Variants in COLEC12 observed in about 807,000 individuals in gnomAD.
COLEC12 encodes collectin-12.
A neutral mutation model predicts 71.1 loss-of-function variants in COLEC12; 33 were observed. The ratio of observed to expected loss-of-function variants is 0.46; its 90% CI spans 0.35 to 0.62. The LOEUF is 0.62. Ranked by LOEUF, COLEC12 falls within the 20% of genes least tolerant of loss-of-function variation. The probability of loss-of-function intolerance (pLI) is 0.00; values close to 1 mark genes in which losing one functional copy is unlikely to be tolerated. For synonymous variants in COLEC12, 350 were observed against 353.0 expected, an observed-to-expected ratio of 0.99 and a Z score of 0.10; for missense variants, 765 against 916.1, an observed-to-expected ratio of 0.84 and a Z score of 2.13.
At chr18:494,728 C>T (rs1298109332) in intron 1 of COLEC12, among the ~76,000 whole-genome samples, 2 of 152,204 alleles carry the variant, frequency 1.3e-5, no homozygotes, top group East Asian at 3.8e-4. Flanking sequence ...AGTTTCCTAA[C>T]ATTTCTCTGT....
In COLEC12 at chr18:474,344, A is replaced by G. The variant is rs532281092; in HGVS notation, c.58+6363T>C. Among the ~76,000 whole-genome samples the G allele has an allele frequency of 2.0e-5, 3 of 152,370 alleles. No individual in the cohort carries two copies. In the South Asian group the frequency reaches 6.2e-4, roughly 32 times the overall value. ...ATCACCTGGCACATAATAGATATCC[A>G]CGAAGGAGCGTTTAATGGTTTCTTT... is the stretch of plus-strand genomic sequence containing the variant. On this transcript the variant is annotated intron_variant, in intron 2 of 9. Coordinates refer to ENST00000400256, the MANE Select transcript of COLEC12 (RefSeq NM_130386.3).
At chr18:475,526 C>T (rs759218250) in intron 2 of COLEC12, among the ~76,000 whole-genome samples, 1 of 152,060 alleles carries the variant, frequency 6.6e-6, no homozygotes, top group Non-Finnish European at 1.5e-5. Flanking sequence ...CAGCCTGCCC[C>T]GTAAAAGCCC....
chr18:416,801 AC>A (rs1915994445), intron 2 of COLEC12, among the ~76,000 whole-genome samples: 1 of 139,098 alleles, frequency 7.2e-6, no homozygotes, highest in Admixed American at 8.2e-5. Context: ...AATTTAGAAG[AC>A]CTATCTTGCC....
rs149830884 is a variant in COLEC12 at position 474,521 on chromosome 18, T to C, written c.58+6186A>G. Reference sequence around the variant, plus strand: ...CCTCTTGGCAGGAAGAAGGGAAACCTAGGTGCATGGTGTTGCCAAAGGAGC... The same window carrying C: ...CCTCTTGGCAGGAAGAAGGGAAACCCAGGTGCATGGTGTTGCCAAAGGAGC... On this transcript the variant is annotated intron_variant, in intron 2 of 9. Coordinates refer to ENST00000400256, the MANE Select transcript of COLEC12 (RefSeq NM_130386.3). Among the ~76,000 whole-genome samples, 853 of 152,272 alleles carry C rather than the reference T, an allele frequency of 5.6e-3. 6 individuals are homozygous for C. The highest frequency in any genetic ancestry group is 0.035 in the South Asian group (170 of 4,818).
chr18:368,734 C>A (rs539981748), intron 2 of COLEC12, among the ~76,000 whole-genome samples: 5 of 152,030 alleles, frequency 3.3e-5, no homozygotes, highest in East Asian at 1.9e-4. Flanking sequence ...GGCGTGGTGG[C>A]GGGCGCCTGT....
chr18:322,040 C>A (rs1307030810), intron 8 of COLEC12, among the ~76,000 whole-genome samples: 1 of 152,184 alleles, frequency 6.6e-6, no homozygotes, highest in Non-Finnish European at 1.5e-5. Context: ...CTACCATGAA[C>A]CAAACTCACT....
intron 2 of COLEC12, among the ~76,000 whole-genome samples, chr18:414,311 C>T (rs560314692): frequency 4.6e-5 from 7 of 152,222 alleles, no homozygotes; most frequent in South Asian, 2.1e-4. Flanking sequence ...AAACTTGGGT[C>T]GGGCGCGGTG....
chr18:348,099 C>T lies in COLEC12; in HGVS notation c.246G>A (p.Lys82=), dbSNP rs1462467250. ...TCAGGTCACTTTCCACTGCTGTGAG[C>T]TTGTCATCATAGGTTTGGCGAGATG... The part of the protein sequence containing the change: ...METSRQTYDD[K]LTAVESDLKK... The change falls in exon 4 of 10, where the codon AAG becomes AAA. Residue 82 remains lysine, a synonymous_variant. Transcript: ENST00000400256. The T allele has an allele frequency of 1.2e-6, 2 of 1,613,852 alleles. No individual in the cohort carries two copies. Among genetic ancestry groups the T allele is most frequent in the Admixed American group, 3.3e-5 (2 of 60,002 alleles).
At chr18:374,117 A>G (rs7240445) in intron 2 of COLEC12, among the ~76,000 whole-genome samples, 20,158 of 152,186 alleles carry the variant, frequency 0.13, 1,501 homozygotes, top group East Asian at 0.26. Flanking sequence ...ATGAGAATAA[A>G]TGATCTAATA....
At chr18:403,344 A>C (rs1052032715) in intron 2 of COLEC12, among the ~76,000 whole-genome samples, 1 of 152,252 alleles carries the variant, frequency 6.6e-6, no homozygotes, top group Non-Finnish European at 1.5e-5. Context: ...AAACCCTTGC[A>C]GGTGTCATTA....
chr18:398,148 G>A (rs766798533), intron 2 of COLEC12, among the ~76,000 whole-genome samples: 4 of 152,164 alleles, frequency 2.6e-5, no homozygotes, highest in African/African-American at 9.7e-5. Context: ...TCGAAACTAT[G>A]AGAAACTGGA....
Position 391,459 on chromosome 18 carries a change from G to A in COLEC12, c.59-33937C>T, listed in dbSNP as rs970815626. On this transcript the variant is annotated intron_variant, in intron 2 of 9. Coordinates refer to ENST00000400256, the MANE Select transcript of COLEC12 (RefSeq NM_130386.3). ...TGTTGTGGTACCAGGTCCACCTATG[G>A]TACTGAGGTCCGGAATCTCCTCCCT... Among the ~76,000 whole-genome samples the A allele has an allele frequency of 3.9e-5, 6 of 152,284 alleles. No homozygotes were observed. In the South Asian group the frequency reaches 1.0e-3, roughly 26 times the overall value.
intron 5 of COLEC12, among the ~76,000 whole-genome samples, chr18:341,173 T>C (rs984249814): frequency 1.3e-5 from 2 of 152,234 alleles, no homozygotes; most frequent in African/African-American, 4.8e-5. Context: ...CAGTAAACTC[T>C]CTGTCATTTC....
chr18:369,957 T>C (rs914082343), intron 2 of COLEC12, among the ~76,000 whole-genome samples: 1 of 151,954 alleles, frequency 6.6e-6, no homozygotes, highest in African/African-American at 2.4e-5. Context: ...GCAACCCCGA[T>C]CTGGAAGATA....
At chr18:406,540 A>AAAAAAAAAAAAG (rs1915793417) in intron 2 of COLEC12, among the ~76,000 whole-genome samples, 1 of 145,916 alleles carries the variant, frequency 6.9e-6, no homozygotes, top group African/African-American at 2.5e-5. Flanking sequence ...AAAAAAAAAA[A>AAAAAAAAAAAAG]GGGCAACCAG....
intron 1 of COLEC12, among the ~76,000 whole-genome samples, chr18:496,241 A>G (rs898930254): frequency 9.9e-5 from 15 of 152,156 alleles, no homozygotes; most frequent in Non-Finnish European, 1.9e-4. Flanking sequence ...AGCTTTTTCT[A>G]TTCACCCCAT....
chr18:316,777 T>A lies in COLEC12; in HGVS notation c.*3268A>T, dbSNP rs1913559257. On this transcript the variant is annotated 3_prime_UTR_variant, in exon 10 of 10. Coordinates refer to ENST00000400256, the MANE Select transcript of COLEC12 (RefSeq NM_130386.3). ...AGAAAGTTTTTATTTTTTGCCTTGT[T>A]GTGCATTCATTCTTTCAAAAGCTGT... 6.6e-6 allele frequency: 1 copy of A among 152,174 alleles called. No individual in the cohort carries two copies. Among genetic ancestry groups the A allele is most frequent in the Non-Finnish European group, 1.5e-5 (1 of 68,028 alleles). The allele number at this position is 152,174 out of a possible 1,614,324, so 9.4% of individuals were successfully genotyped here. A position where few individuals can be genotyped will look rare whatever the true frequency, so the allele number is the denominator to read the frequency against.
chr18:479,530 T>G (rs1182853621), intron 2 of COLEC12, among the ~76,000 whole-genome samples: 2 of 141,678 alleles, frequency 1.4e-5, no homozygotes, highest in African/African-American at 5.3e-5. Context: ...TTTCATACTC[T>G]CTCTCTCTCT....
In COLEC12 at chr18:408,349, T is replaced by C. The variant is rs997145171; in HGVS notation, c.59-50827A>G. Among the ~76,000 whole-genome samples, 1 of 152,208 alleles carries C rather than the reference T, an allele frequency of 6.6e-6. No individual in the cohort carries two copies. Among genetic ancestry groups the C allele is most frequent in the African/African-American group, 2.4e-5 (1 of 41,454 alleles). On this transcript the variant is annotated intron_variant, in intron 2 of 9. Coordinates refer to ENST00000400256, the MANE Select transcript of COLEC12 (RefSeq NM_130386.3). The surrounding 1 kb of genome is among the most constrained non-coding windows in gnomAD (Gnocchi z 4.3). ...CCTAACTCAGCAGGTATCAGATTCT[T>C]AAATTTAAGAATCAGAAACATTCTC...
Sources: allele counts gnomAD v4.1 joint callset (sites outside exome capture counted in the v4.1 genomes callset), GRCh38; gene constraint gnomAD v4.1.1; non-coding constraint Gnocchi (gnomAD v3.1); transcripts MANE v1.5; gene names NCBI Gene and HGNC (gene_info 2026-07-23, HGNC 2026-07-21).